Variants in WBP2 observed in about 807,000 individuals in gnomAD.
The protein encoded by WBP2 is WW domain-binding protein 2.
Under a neutral mutation model 33.0 loss-of-function variants are expected in WBP2, and 23 were observed. That is an observed-to-expected ratio of 0.70 (90% CI 0.50 to 0.99). The LOEUF is 0.99. WBP2 is among the 50% of genes least tolerant of loss of function. The pLI is 0.00. For missense variants in WBP2, 353 were observed against 358.0 expected, an observed-to-expected ratio of 0.99 and a Z score of 0.11; for synonymous variants, 153 against 133.5, an observed-to-expected ratio of 1.15 and a Z score of -1.01.
chr17:75,847,904 C>A lies in WBP2; in HGVS notation c.424G>T (p.Ala142Ser). The change falls in exon 5 of 8, where the codon GCC becomes TCC. Residue 142 changes from alanine to serine, a missense_variant. Physicochemically the swap from Ala to Ser is moderately conservative, Grantham distance 99. Transcript: ENST00000254806. The stretch of plus-strand genomic sequence containing the variant: ...CTGGGCATGTAAGAGTAGCCATAGG[C>A]TCCACTGGGGACTTCACCTCTGGAG... The part of the protein sequence containing the change: ...QASRGEVPSG[A>S]YGYSYMPSGA... The A allele has an allele frequency of 6.4e-7, 1 of 1,562,298 alleles. No individual in the cohort carries two copies. Among genetic ancestry groups the A allele is most frequent in the Non-Finnish European group, 8.7e-7 (1 of 1,153,234 alleles).
intron 2 of WBP2, among the ~76,000 whole-genome samples, chr17:75,850,163 C>T (rs1246487822): frequency 6.6e-6 from 1 of 152,112 alleles, no homozygotes; most frequent in African/African-American, 2.4e-5. Context: ...CGCTAGCTCC[C>T]ATTGAGGGGG....
upstream of WBP2, among the ~76,000 whole-genome samples, chr17:75,855,688 G>T (rs2065054462): frequency 6.6e-6 from 1 of 152,244 alleles, no homozygotes; most frequent in African/African-American, 2.4e-5. Flanking sequence ...TTCCGCTCCT[G>T]GCAGGGGCGC....
intron 1 of WBP2, among the ~76,000 whole-genome samples, chr17:75,853,669 C>T (rs760741928): frequency 6.6e-6 from 1 of 152,058 alleles, no homozygotes; most frequent in Non-Finnish European, 1.5e-5. Flanking sequence ...AAGGTTCACA[C>T]GGTTCTGTTT....
intron 2 of WBP2, 145 bp from the exon 3 acceptor site, chr17:75,849,884 G>A (rs1433380567): frequency 6.7e-6 from 8 of 1,199,560 alleles, no homozygotes; most frequent in Non-Finnish European, 9.1e-6. Flanking sequence ...GACACTCCTG[G>A]AGAGAGCTTT....
intron 2 of WBP2, among the ~76,000 whole-genome samples, chr17:75,850,321 C>G (rs1163958469): frequency 6.6e-6 from 1 of 151,708 alleles, no homozygotes; most frequent in Non-Finnish European, 1.5e-5. Flanking sequence ...TCTTGGCTCG[C>G]TGCAAGCTCC....
In WBP2 at chr17:75,849,187, G is replaced by A. The variant is rs534994911; in HGVS notation, c.304+417C>T. On this transcript the variant is annotated intron_variant, in intron 3 of 7. Transcript: ENST00000254806. ...GTGTCAAGGGGAAGGCAAGTTCAAT[G>A]CAGAGGTCTCTGGGGCCTGCCAAAA... 254 of 224,952 alleles carry A rather than the reference G, an allele frequency of 1.1e-3. 1 individual carries two copies. The Middle Eastern group carries it at 0.025, about 22-fold the overall frequency. The allele number at this position is 224,952 out of a possible 1,614,324, so 13.9% of individuals were successfully genotyped here.
chr17:75,855,011 G>C (rs1288006940), intron 1 of WBP2: 2 of 575,172 alleles, frequency 3.5e-6, no homozygotes, highest in Non-Finnish European at 6.2e-6. Context: ...CCCCATACCA[G>C]GTCCCCATGC....
Position 75,849,589 on chromosome 17 carries a change from GTTCCCA to G in WBP2, c.304+9_304+14del. ...CTGCAGGCCCCATGCGTGTCCCTGA[GTTCCCA>G]TCACCTACCTCCCGCTTCCGCCTTC... On this transcript the variant is annotated intron_variant, in intron 3 of 7. Transcript: ENST00000254806. The G allele has an allele frequency of 3.7e-6, 6 of 1,613,842 alleles. No homozygotes were observed. The highest frequency in any genetic ancestry group is 5.1e-6 in the Non-Finnish European group (6 of 1,179,816).
chr17:75,848,543 A>G (rs1233129703), intron 4 of WBP2, 27 bp downstream of exon 4: 1 of 1,604,262 alleles, frequency 6.2e-7, no homozygotes, highest in Non-Finnish European at 8.5e-7. Context: ...GTGTGTCTTT[A>G]GCCCCTAATC....
rs749777104 is a variant in WBP2 at position 75,847,965 on chromosome 17, C to T, written c.398-35G>A. On this transcript the variant is annotated intron_variant, in intron 4 of 7. Transcript: ENST00000254806. ...CAAGGGGAAAGAGAAATGAGCGTGG[C>T]CTGCCTTGGGGCGGGGAGAGGGCAG... 8 of 1,556,694 alleles carry T rather than the reference C, an allele frequency of 5.1e-6. No homozygotes were observed. The South Asian group carries it at 8.3e-5, about 16-fold the overall frequency.
At chr17:75,849,876 C>G in intron 2 of WBP2, 137 bp from the exon 3 acceptor site, 4 of 1,248,774 alleles carry the variant, frequency 3.2e-6, no homozygotes, top group Non-Finnish European at 4.4e-6. Context: ...CTGTGCCAGA[C>G]ACTCCTGGAG....
chr17:75,855,335 T>G lies in WBP2; in HGVS notation c.-38A>C. On this transcript the variant is annotated 5_prime_UTR_variant, in exon 1 of 8. Transcript: ENST00000254806. Reference sequence around the variant, plus strand: ...AGGGGTCCCGAGACTCAAAACGCAATGAGCTTGCGCCCCTCTTCGCCCCGC... The same window carrying G: ...AGGGGTCCCGAGACTCAAAACGCAAGGAGCTTGCGCCCCTCTTCGCCCCGC... 1 of 1,608,850 alleles carries G rather than the reference T, an allele frequency of 6.2e-7. No individual in the cohort carries two copies. The highest frequency in any genetic ancestry group is 8.5e-7 in the Non-Finnish European group (1 of 1,179,092).
intron 1 of WBP2, 30 bp from the exon 2 acceptor site, chr17:75,851,706 T>C: frequency 3.2e-6 from 5 of 1,565,496 alleles, no homozygotes; most frequent in Non-Finnish European, 4.4e-6. Flanking sequence ...AAAGCCTCAA[T>C]GAGACAGTAT....
At chr17:75,852,451 C>CT (rs2065033296) in intron 1 of WBP2, 1 of 134,798 alleles carries the variant, frequency 7.4e-6, no homozygotes, top group African/African-American at 3.1e-5. Context: ...CTTCTATTTT[C>CT]TTTATTTTTT....
At position 75,847,565 on chromosome 17, in the gene WBP2, C is replaced by T. The variant is rs759782741; in HGVS notation, c.577G>A (p.Val193Met). Residue 193 changes from valine (V) to methionine (M), a missense_variant, in exon 6 of 8, where the codon GTG (valine) becomes ATG (methionine). Coordinates refer to ENST00000254806, the MANE Select transcript of WBP2 (RefSeq NM_012478.4). ...PPMMDGAMGY[V>M]QPPPPPYPGP... ...GGGTAGGGCGGTGGTGGGGGCTGCACGTATCCCATGGCCCCGTCCATCATG... is the reference window on the plus strand; with the variant it reads ...GGGTAGGGCGGTGGTGGGGGCTGCATGTATCCCATGGCCCCGTCCATCATG... 8.7e-6 allele frequency: 14 copies of T among 1,607,366 alleles called. No individual in the cohort carries two copies. Among genetic ancestry groups the T allele is most frequent in the African/African-American group, 6.7e-5 (5 of 74,726 alleles).
intron 4 of WBP2, 166 bp downstream of exon 4, chr17:75,848,404 G>A (rs1450828533): frequency 3.0e-6 from 2 of 664,482 alleles, no homozygotes; most frequent in Non-Finnish European, 5.3e-6. Context: ...GGACAGAGCT[G>A]ATGCCAATGA....
rs747805731 is a variant in WBP2 at position 75,846,952 on chromosome 17, C to A, written c.688G>T (p.Ala230Ser). The A allele has an allele frequency of 6.8e-6, 11 of 1,614,072 alleles. No homozygotes were observed. In the South Asian group the frequency reaches 7.7e-5, roughly 11 times the overall value. ...EAKAAEAAAS[A>S]YYNPGNPHNV... ...TGAGGATTGCCTGGGTTGTAATAGG[C>A]GCTGGCGGCTGCTTCTGCGGCCTTG... is the stretch of plus-strand genomic sequence containing the variant. Residue 230 changes from alanine (A) to serine (S), a missense_variant, in exon 7 of 8, where the codon GCC (alanine) becomes TCC (serine). Coordinates refer to ENST00000254806, the MANE Select transcript of WBP2 (RefSeq NM_012478.4). The surrounding 1 kb of genome is among the most constrained non-coding windows in gnomAD (Gnocchi z 4.8).
intron 3 of WBP2, 146 bp downstream of exon 3, chr17:75,849,458 C>T: frequency 9.8e-7 from 1 of 1,025,530 alleles, no homozygotes; most frequent in South Asian, 1.6e-5. Context: ...GGCAATCAAA[C>T]CCCACCAGCT....
In WBP2 at chr17:75,846,765, T is replaced by G; in HGVS notation, c.755A>C (p.Tyr252Ser). ...GGTCTTCTTATCTTCCGGTGGGTAG[T>G]AGGGAGGTGGCGGCGGCTGGCTCTA... is the stretch of plus-strand genomic sequence containing the variant. ...MPTSQPPPPP[Y>S]YPPEDKKTQ Residue 252 changes from tyrosine (Y) to serine (S), a missense_variant, in exon 8 of 8, where the codon TAC (tyrosine) becomes TCC (serine). Coordinates refer to ENST00000254806, the MANE Select transcript of WBP2 (RefSeq NM_012478.4). This position sits in a 1 kb window ranked among gnomAD's most constrained non-coding sequence, Gnocchi z 4.8. The G allele has an allele frequency of 6.5e-7, 1 of 1,545,778 alleles. No individual in the cohort carries two copies. The highest frequency in any genetic ancestry group is 8.7e-7 in the Non-Finnish European group (1 of 1,144,888).
Sources: allele counts gnomAD v4.1 joint callset (sites outside exome capture counted in the v4.1 genomes callset), GRCh38; gene constraint gnomAD v4.1.1; non-coding constraint Gnocchi (gnomAD v3.1); transcripts MANE v1.5; gene names NCBI Gene and HGNC (gene_info 2026-07-23, HGNC 2026-07-21).